Variants in CYP7B1 observed in about 807,000 individuals in gnomAD.
CYP7B1 encodes the protein cytochrome P450 7B1.
In CYP7B1, 29 loss-of-function variants were observed where a neutral mutation model predicts 42.7. The ratio of observed to expected loss-of-function variants is 0.68; its 90% CI spans 0.51 to 0.93. The LOEUF is 0.93. CYP7B1 is among the 40% of genes least tolerant of loss of function. The pLI is 0.00. For missense variants in CYP7B1, 655 were observed against 600.5 expected (o/e 1.09, Z -0.95); for synonymous variants, 235 against 218.2 (o/e 1.08, Z -0.68).
At chr8:64,657,281 C>T (rs1806135004) in intron 1 of CYP7B1, among the ~76,000 whole-genome samples, 1 of 151,966 alleles carries the variant, frequency 6.6e-6, no homozygotes, top group African/African-American at 2.4e-5. Context: ...AAAGAGGGCT[C>T]TAGGTTTTAG....
At chr8:64,764,841 G>A (rs1054760723) in intron 1 of CYP7B1, among the ~76,000 whole-genome samples, 4 of 152,140 alleles carry the variant, frequency 2.6e-5, no homozygotes, top group Non-Finnish European at 1.5e-5. Flanking sequence ...TTAGAAAAAG[G>A]TGATTTAACA....
chr8:64,796,932 C>T (rs1804711251), intron 1 of CYP7B1, among the ~76,000 whole-genome samples: 1 of 152,020 alleles, frequency 6.6e-6, no homozygotes, highest in Non-Finnish European at 1.5e-5. Context: ...GGTAAACTAT[C>T]CAAACATTAG....
intron 1 of CYP7B1, among the ~76,000 whole-genome samples, chr8:64,651,622 G>A (rs867257585): frequency 2.6e-5 from 4 of 152,192 alleles, no homozygotes; most frequent in Admixed American, 6.5e-5. Flanking sequence ...GCCTTTGGAA[G>A]GTGATTAGGT....
chr8:64,605,958 G>A (rs1805272606), intron 4 of CYP7B1, among the ~76,000 whole-genome samples: 1 of 152,190 alleles, frequency 6.6e-6, no homozygotes, highest in African/African-American at 2.4e-5. Flanking sequence ...GTGAGGGCTT[G>A]CATCAGCCAA....
rs566612870 is a variant in CYP7B1, at chr8:64,642,922, G to C, written c.123-18383C>G. Among the ~76,000 whole-genome samples the C allele has an allele frequency of 1.1e-4, 17 of 151,838 alleles. No homozygotes were observed. In the South Asian group the frequency reaches 3.5e-3, roughly 32 times the overall value. On this transcript the variant is annotated intron_variant, in intron 1 of 5. Transcript: ENST00000310193. ...ACTCATATAAATCATTTGGACATAT[G>C]TCTGTTTATGCTAATACACATACTT...
intron 2 of CYP7B1, among the ~76,000 whole-genome samples, chr8:64,618,820 T>C (rs1313011044): frequency 8.5e-5 from 13 of 152,182 alleles, no homozygotes; most frequent in Non-Finnish European, 1.8e-4. Flanking sequence ...AAATCAGTAC[T>C]GTTAACTTCA....
intron 1 of CYP7B1, among the ~76,000 whole-genome samples, chr8:64,791,393 AAGGATCTTG>A (rs1282381885): frequency 6.6e-6 from 1 of 152,198 alleles, no homozygotes; most frequent in Admixed American, 6.5e-5. Flanking sequence ...GATTTAAATT[AAGGATCTTG>A]AGATGAGAAC....
intron 1 of CYP7B1, among the ~76,000 whole-genome samples, chr8:64,731,935 T>G (rs9694711): frequency 0.014 from 2,100 of 152,288 alleles, 56 homozygotes; most frequent in African/African-American, 0.046. Flanking sequence ...GAACTGAGGT[T>G]GGGGAACCTC....
At chr8:64,734,843 G>A (rs1807463300) in intron 1 of CYP7B1, among the ~76,000 whole-genome samples, 1 of 152,136 alleles carries the variant, frequency 6.6e-6, no homozygotes, top group South Asian at 2.1e-4. Context: ...TTAAACAAAA[G>A]CATAAGTATA....
At chr8:64,605,654 C>T (rs942297796) in intron 4 of CYP7B1, among the ~76,000 whole-genome samples, 6 of 152,118 alleles carry the variant, frequency 3.9e-5, no homozygotes, top group African/African-American at 1.2e-4. Flanking sequence ...TGCATATCAG[C>T]GTGTAGCTCC....
intron 1 of CYP7B1, among the ~76,000 whole-genome samples, chr8:64,668,026 C>T (rs892061163): frequency 2.0e-5 from 3 of 152,180 alleles, no homozygotes; most frequent in African/African-American, 7.2e-5. Context: ...AGAATTCTTA[C>T]AGCGTAGGAA....
intron 1 of CYP7B1, among the ~76,000 whole-genome samples, chr8:64,697,891 A>G (rs958363625): frequency 4.6e-5 from 7 of 152,190 alleles, no homozygotes; most frequent in African/African-American, 1.2e-4. Flanking sequence ...TGTGCTCTTC[A>G]GTTTTCATTT....
intron 5 of CYP7B1, among the ~76,000 whole-genome samples, chr8:64,599,362 G>A (rs1406213252): frequency 6.6e-6 from 1 of 151,950 alleles, no homozygotes; most frequent in Non-Finnish European, 1.5e-5. Context: ...CTAATTTTTT[G>A]TATTATTAGT....
intron 5 of CYP7B1, among the ~76,000 whole-genome samples, chr8:64,601,231 T>C (rs1407360339): frequency 1.3e-5 from 2 of 152,214 alleles, no homozygotes; most frequent in Non-Finnish European, 2.9e-5. Flanking sequence ...TAGGGCAGAA[T>C]TGCATTAGAT....
intron 1 of CYP7B1, among the ~76,000 whole-genome samples, chr8:64,797,488 T>C (rs1239678309): frequency 1.3e-5 from 2 of 152,094 alleles, no homozygotes; most frequent in Non-Finnish European, 2.9e-5. Flanking sequence ...AAGCGCACAT[T>C]CCAGGAACAT....
At chr8:64,607,747 T>C (rs1805303678) in intron 4 of CYP7B1, among the ~76,000 whole-genome samples, 3 of 152,256 alleles carry the variant, frequency 2.0e-5, no homozygotes, top group Non-Finnish European at 1.5e-5. Flanking sequence ...CATATGGAAG[T>C]TAATTTTAAT....
intron 1 of CYP7B1, among the ~76,000 whole-genome samples, chr8:64,662,774 G>C (rs752520139): frequency 6.6e-6 from 1 of 151,094 alleles, no homozygotes; most frequent in Non-Finnish European, 1.5e-5. Flanking sequence ...CACTATGGTA[G>C]ACAAAAAAAA....
intron 1 of CYP7B1, among the ~76,000 whole-genome samples, chr8:64,629,710 C>G (rs1019340144): frequency 6.6e-6 from 1 of 152,166 alleles, no homozygotes; most frequent in African/African-American, 2.4e-5. Flanking sequence ...TTCATAGTAC[C>G]TCTTGGAACT....
At chr8:64,641,997 A>T (rs1056348149) in intron 1 of CYP7B1, among the ~76,000 whole-genome samples, 1 of 152,180 alleles carries the variant, frequency 6.6e-6, no homozygotes, top group Non-Finnish European at 1.5e-5. Context: ...GCCAAAAATG[A>T]CTCATAAGAG....
Sources: allele counts gnomAD v4.1 joint callset (sites outside exome capture counted in the v4.1 genomes callset), GRCh38; gene constraint gnomAD v4.1.1; transcripts MANE v1.5; gene names NCBI Gene and HGNC (gene_info 2026-07-23, HGNC 2026-07-21).